ELL: variants seen among roughly 807,000 people sequenced by gnomAD.
ELL encodes the protein elongation factor for RNA polymerase II.
Under a neutral mutation model 64.0 loss-of-function variants are expected in ELL, and 18 were observed. That is an observed-to-expected ratio of 0.28 (90% CI 0.19 to 0.42). The LOEUF is 0.42. Among genes scored for constraint, ELL ranks in the 10% least tolerant of loss-of-function variants. The probability of loss-of-function intolerance (pLI) is 1.00; values close to 1 mark genes in which losing one functional copy is unlikely to be tolerated. For missense variants in ELL, 797 were observed against 870.4 expected (o/e 0.92, Z 1.06); for synonymous variants, 399 against 376.2 (o/e 1.06, Z -0.70).
rs142278118 is a variant in ELL at position 18,450,919 on chromosome 19, T to C, written c.1023A>G (p.Ile341Met). 89 of 1,543,594 alleles carry C rather than the reference T, an allele frequency of 5.8e-5. No homozygotes were observed. The highest frequency in any genetic ancestry group is 1.7e-4 in the Middle Eastern group (1 of 5,734). ...GCTGAGCTCTCTGAGTGAAGTGCGA[T>C]ATCCGGGGTTTCTTGTTGGCTAGGG... The part of the protein sequence containing the change: ...IDPLANKKPR[I>M]SHFTQRAQPA... Residue 341 changes from isoleucine (I) to methionine (M), a missense_variant, in exon 8 of 12, where the codon ATA (isoleucine) becomes ATG (methionine). Physicochemically the swap from Ile to Met is conservative, Grantham distance 10. Transcript: ENST00000262809.
At chr19:18,448,039 G>A (rs1274838615) in intron 8 of ELL, among the ~76,000 whole-genome samples, 2 of 151,708 alleles carry the variant, frequency 1.3e-5, no homozygotes, top group Non-Finnish European at 2.9e-5. Flanking sequence ...TCCTGAACTG[G>A]CCTTTCAAAG....
chr19:18,448,183 G>A (rs991579870), intron 8 of ELL: 7 of 151,130 alleles, frequency 4.6e-5, no homozygotes, highest in Non-Finnish European at 4.4e-5. Flanking sequence ...TGATCCTCTT[G>A]ACTTGGCCTC....
intron 1 of ELL, among the ~76,000 whole-genome samples, chr19:18,475,359 A>C (rs1975154731): frequency 6.6e-6 from 1 of 152,214 alleles, no homozygotes; most frequent in Non-Finnish European, 1.5e-5. Flanking sequence ...AGCTGACAAG[A>C]GCAAGTGTTG....
chr19:18,465,266 C>A, intron 4 of ELL, 146 bp downstream of exon 4: 1 of 1,186,058 alleles, frequency 8.4e-7, no homozygotes, highest in East Asian at 2.7e-5. Context: ...CTGGTCCAGG[C>A]ACGTCCTGCT....
intron 6 of ELL, among the ~76,000 whole-genome samples, chr19:18,456,204 C>A (rs2144904322): frequency 6.6e-6 from 1 of 152,234 alleles, no homozygotes; most frequent in South Asian, 2.1e-4. Flanking sequence ...TCCACTACCA[C>A]ACACAGGACA....
chr19:18,517,312 C>T (rs1976150684), intron 1 of ELL, among the ~76,000 whole-genome samples: 1 of 152,166 alleles, frequency 6.6e-6, no homozygotes, highest in Admixed American at 6.5e-5. Context: ...GGCTGGAGTG[C>T]AGTGGTGCGA....
In ELL at chr19:18,465,880, C is replaced by T. The variant is rs747812361; in HGVS notation, c.222G>A (p.Ala74=). 17 of 1,332,000 alleles carry T rather than the reference C, an allele frequency of 1.3e-5. No homozygotes were observed. The highest frequency in any genetic ancestry group is 5.6e-5 in the East Asian group (2 of 35,874). 82.5% of individuals were successfully genotyped at this position (1,332,000 alleles called of 1,614,324 possible). ...SIPQPDCPAE[A]RTFSFYLSNI... is the part of the protein sequence containing the mutation. ...TGGAGAGGTAGAAGGAGAACGTCCG[C>T]GCCTCTGCGGGGCAGTCAGGCTGGG... Residue 74 remains alanine (A), a synonymous_variant, in exon 3 of 12, where the codon GCG becomes GCA. Transcript: ENST00000262809.
In ELL at chr19:18,481,670, A is replaced by G. The variant is rs1261856127; in HGVS notation, c.136-8788T>C. Reference sequence around the variant, plus strand: ...ATCTGCTGTGGCCATGATTCAGCCAACCACCTACTCAGCATGACGCCTTTG... The same window carrying G: ...ATCTGCTGTGGCCATGATTCAGCCAGCCACCTACTCAGCATGACGCCTTTG... On this transcript the variant is annotated intron_variant, in intron 1 of 11. Transcript: ENST00000262809. Among the ~76,000 whole-genome samples, 5 of 152,194 alleles carry G rather than the reference A, an allele frequency of 3.3e-5. No individual in the cohort carries two copies. The East Asian group carries it at 9.6e-4, about 29-fold the overall frequency.
In ELL at chr19:18,465,817, G is replaced by A; in HGVS notation, c.285C>T (p.Cys95=). The change falls in exon 3 of 12, where the codon TGC becomes TGT. Residue 95 remains cysteine, a synonymous_variant. Coordinates refer to ENST00000262809, the MANE Select transcript of ELL (RefSeq NM_006532.4). ...GRDNPQGSFD[C]IQQYVSSHGE... Reference sequence around the variant, plus strand: ...CTCACCTGGAGACATACTGCTGGATGCAGTCGAAGCTGCCCTGGGGGTTGT... The same window carrying A: ...CTCACCTGGAGACATACTGCTGGATACAGTCGAAGCTGCCCTGGGGGTTGT... 1.5e-6 allele frequency: 2 copies of A among 1,373,708 alleles called. No individual in the cohort carries two copies. Among genetic ancestry groups the A allele is most frequent in the Non-Finnish European group, 9.5e-7 (1 of 1,054,398 alleles). The allele number at this position is 1,373,708 out of a possible 1,614,324, so 85.1% of individuals were successfully genotyped here.
At chr19:18,512,547 G>A (rs187604280) in intron 1 of ELL, among the ~76,000 whole-genome samples, 41 of 152,310 alleles carry the variant, frequency 2.7e-4, no homozygotes, top group Admixed American at 7.2e-4. Flanking sequence ...GCTGAGGTGG[G>A]AGGATTGCTT....
rs185585121 is a variant in ELL at position 18,474,572 on chromosome 19, G to A, written c.136-1690C>T. Among the ~76,000 whole-genome samples the A allele has an allele frequency of 2.3e-3, 350 of 152,328 alleles. 2 individuals carry two copies. The highest frequency in any genetic ancestry group is 7.6e-3 in the African/African-American group (317 of 41,580). On this transcript the variant is annotated intron_variant, in intron 1 of 11. Coordinates refer to ENST00000262809, the MANE Select transcript of ELL (RefSeq NM_006532.4). ...CTCCACAGCGAGCACGATTCACGGC[G>A]CAAGCCACCACTGTCCATGGTGCAA...
At chr19:18,513,621 T>A (rs1234560524) in intron 1 of ELL, among the ~76,000 whole-genome samples, 10 of 152,066 alleles carry the variant, frequency 6.6e-5, no homozygotes, top group African/African-American at 2.4e-4. Flanking sequence ...AAAAAAAACT[T>A]CACAGGATGC....
intron 1 of ELL, among the ~76,000 whole-genome samples, chr19:18,507,736 T>C (rs943536234): frequency 5.3e-5 from 8 of 152,202 alleles, no homozygotes; most frequent in Non-Finnish European, 1.2e-4. Context: ...AATCCCTCTG[T>C]GTAGGAGATT....
chr19:18,466,739 G>A lies in ELL; in HGVS notation c.184-821C>T, dbSNP rs145843810. Among the ~76,000 whole-genome samples, 101 of 152,330 alleles carry A rather than the reference G, an allele frequency of 6.6e-4. 1 individual carries two copies. Among genetic ancestry groups the A allele is most frequent in the Middle Eastern group, 3.4e-3 (1 of 294 alleles). On this transcript the variant is annotated intron_variant, in intron 2 of 11. Coordinates refer to ENST00000262809, the MANE Select transcript of ELL (RefSeq NM_006532.4). ...TGGCCCTTCCTAAACTAATGCCTGGGCTTTGGCATGAGCTCCTCACAGTTA... is the reference window on the plus strand; with the variant it reads ...TGGCCCTTCCTAAACTAATGCCTGGACTTTGGCATGAGCTCCTCACAGTTA...
intron 1 of ELL, among the ~76,000 whole-genome samples, chr19:18,503,442 C>T (rs1251512245): frequency 6.6e-6 from 1 of 152,264 alleles, no homozygotes; most frequent in East Asian, 1.9e-4. Context: ...CTGAGCTGCC[C>T]GTACTGGGAA....
chr19:18,450,572 T>G lies in ELL; in HGVS notation c.1370A>C (p.Asp457Ala). 6.2e-7 allele frequency: 1 copy of G among 1,612,658 alleles called. No homozygotes were observed. Among genetic ancestry groups the G allele is most frequent in the South Asian group, 1.1e-5 (1 of 91,064 alleles). Residue 457 changes from aspartate (D) to alanine (A), a missense_variant, in exon 8 of 12, where the codon GAC (aspartate) becomes GCC (alanine). Physicochemically the swap from Asp to Ala is moderately radical, Grantham distance 126. Coordinates refer to ENST00000262809, the MANE Select transcript of ELL (RefSeq NM_006532.4). ...KPKKKSKKHK[D>A]KERAAEDKPR... ...CTTGTCCTCAGCCGCCCTCTCCTTG[T>G]CTTTGTGCTTCTTGGACTTCTTCTT... is the stretch of plus-strand genomic sequence containing the variant.
chr19:18,509,599 A>AGCGCGCG (rs1568399753), intron 1 of ELL, among the ~76,000 whole-genome samples: 237 of 9,508 alleles, frequency 0.025, 3 homozygotes, highest in Middle Eastern at 0.056. Context: ...GCGCGCACAT[A>AGCGCGCG]CACACACACA....
chr19:18,473,300 C>CGG (rs1975103439), intron 1 of ELL: 1 of 462,628 alleles, frequency 2.2e-6, no homozygotes, highest in African/African-American at 2.0e-5. Flanking sequence ...GACCCTGGAT[C>CGG]ATGACTCTCC....
chr19:18,496,288 C>T (rs1370030282), intron 1 of ELL, among the ~76,000 whole-genome samples: 1 of 152,240 alleles, frequency 6.6e-6, no homozygotes, highest in Non-Finnish European at 1.5e-5. Context: ...AAGAGGTGGC[C>T]GGGCCACTGC....
Sources: gnomAD v4.1 joint callset for allele counts (sites outside exome capture counted in the v4.1 genomes callset) on GRCh38, gnomAD v4.1.1 for gene constraint, MANE v1.5 for transcripts, NCBI Gene and HGNC (gene_info 2026-07-23, HGNC 2026-07-21) for gene names.